UBAC2: variants seen among roughly 807,000 people sequenced by gnomAD.
UBAC2 encodes the protein UBA domain containing 2.
In UBAC2, 26 loss-of-function variants were observed where a neutral mutation model predicts 44.0. The ratio of observed to expected loss-of-function variants is 0.59; its 90% CI spans 0.43 to 0.82. UBAC2 has a LOEUF of 0.82. Among genes scored for constraint, UBAC2 ranks in the 40% least tolerant of loss-of-function variants. The pLI is 0.00. For synonymous variants in UBAC2, 155 were observed against 154.3 expected (o/e 1.00, Z -0.04); for missense variants, 329 against 419.4 (o/e 0.78, Z 1.88).
At chr13:99,219,033 A>T (rs139044979) in intron 1 of UBAC2, among the ~76,000 whole-genome samples, 7 of 152,304 alleles carry the variant, frequency 4.6e-5, no homozygotes, top group Non-Finnish European at 1.0e-4. Context: ...ACTTTATGAG[A>T]CACCAAGTCA....
rs749722415 is a variant in UBAC2, at chr13:99,200,894, G to A, written c.-15G>A. ...CTCCCCCGGCGCCCTCTGGGGCTCC[G>A]AGCCCGGCGGGACCATGTTCACCAG... On this transcript the variant is annotated 5_prime_UTR_variant, in exon 1 of 9. Coordinates refer to ENST00000403766, the MANE Select transcript of UBAC2 (RefSeq NM_001144072.2). The A allele has an allele frequency of 2.3e-6, 3 of 1,303,694 alleles. No individual in the cohort carries two copies. 80.8% of individuals were successfully genotyped at this position (1,303,694 alleles called of 1,614,324 possible).
intron 4 of UBAC2, among the ~76,000 whole-genome samples, chr13:99,291,875 A>G (rs914235584): frequency 6.6e-6 from 1 of 152,184 alleles, no homozygotes. Flanking sequence ...AATTAAATAG[A>G]TATTTGAGGA....
At chr13:99,353,011 C>G (rs2045119507) in intron 7 of UBAC2, among the ~76,000 whole-genome samples, 1 of 152,236 alleles carries the variant, frequency 6.6e-6, no homozygotes, top group African/African-American at 2.4e-5. Context: ...TGGCACCCTC[C>G]TCAGCACTTT....
At chr13:99,230,622 T>C (rs2043161353) in intron 1 of UBAC2, among the ~76,000 whole-genome samples, 1 of 152,240 alleles carries the variant, frequency 6.6e-6, no homozygotes, top group Non-Finnish European at 1.5e-5. Flanking sequence ...CTTCGCCTTT[T>C]GTAGCTTTCT....
intron 1 of UBAC2, among the ~76,000 whole-genome samples, chr13:99,234,171 C>CTTT (rs773370310): frequency 1.9e-4 from 12 of 61,712 alleles, no homozygotes; most frequent in Admixed American, 2.8e-4. Context: ...CTAGCCGTTT[C>CTTT]TTTTTTTTTT....
At chr13:99,216,140 C>T (rs9554571) in intron 1 of UBAC2, among the ~76,000 whole-genome samples, 69,642 of 151,564 alleles carry the variant, frequency 0.46, 18,277 homozygotes, top group Non-Finnish European at 0.61. Context: ...CTCACTCTGA[C>T]GCCTCAGCTG....
At chr13:99,363,255 C>G (rs1236991273) in intron 7 of UBAC2, among the ~76,000 whole-genome samples, 5 of 152,134 alleles carry the variant, frequency 3.3e-5, no homozygotes, top group African/African-American at 1.2e-4. Flanking sequence ...AATAGTAAGT[C>G]CTAATAACTG....
chr13:99,335,714 T>C (rs2044778919), intron 6 of UBAC2, among the ~76,000 whole-genome samples: 1 of 152,254 alleles, frequency 6.6e-6, no homozygotes, highest in Non-Finnish European at 1.5e-5. Context: ...TCTGCAGCTG[T>C]TCCCCTCTTG....
intron 7 of UBAC2, among the ~76,000 whole-genome samples, chr13:99,345,583 C>A (rs546425302): frequency 6.6e-6 from 1 of 152,208 alleles, no homozygotes; most frequent in Middle Eastern, 3.4e-3. Flanking sequence ...CTGTCCTCAC[C>A]ACTTTATTGA....
chr13:99,213,507 C>T (rs1199248640), intron 1 of UBAC2, among the ~76,000 whole-genome samples: 2 of 151,604 alleles, frequency 1.3e-5, no homozygotes, highest in Non-Finnish European at 2.9e-5. Flanking sequence ...ATTACAGGCA[C>T]CTGCCATCAT....
chr13:99,220,729 G>A (rs2043044050), intron 1 of UBAC2, among the ~76,000 whole-genome samples: 2 of 152,080 alleles, frequency 1.3e-5, no homozygotes, highest in Non-Finnish European at 2.9e-5. Context: ...GGTTCTGTGC[G>A]TATGAACCAC....
chr13:99,251,094 G>A (rs768277576), intron 4 of UBAC2, among the ~76,000 whole-genome samples: 1 of 152,102 alleles, frequency 6.6e-6, no homozygotes, highest in Non-Finnish European at 1.5e-5. Context: ...TTCTTGTAGA[G>A]ATCTTTTACC....
chr13:99,236,177 A>G, intron 1 of UBAC2, among the ~76,000 whole-genome samples: 1 of 152,220 alleles, frequency 6.6e-6, no homozygotes, highest in Non-Finnish European at 1.5e-5. Context: ...TCAAAAGCAC[A>G]GACAGCCAAA....
chr13:99,297,925 A>G (rs2044200599), intron 4 of UBAC2, among the ~76,000 whole-genome samples: 1 of 151,754 alleles, frequency 6.6e-6, no homozygotes, highest in Non-Finnish European at 1.5e-5. Flanking sequence ...CAACCAATAA[A>G]AAGGTAGTAT....
intron 1 of UBAC2, chr13:99,201,530 T>C (rs2042799694): frequency 6.2e-7 from 1 of 1,614,160 alleles, no homozygotes. Flanking sequence ...TGCTGCTGGA[T>C]GTTGCTGTTT....
intron 2 of UBAC2, among the ~76,000 whole-genome samples, chr13:99,239,090 A>G (rs137943843): frequency 6.6e-6 from 1 of 152,344 alleles, no homozygotes; most frequent in African/African-American, 2.4e-5. Flanking sequence ...TTGTCTATGA[A>G]TTGGAGTGTT....
At chr13:99,243,013 C>G (rs1460365017) in intron 2 of UBAC2, among the ~76,000 whole-genome samples, 2 of 151,866 alleles carry the variant, frequency 1.3e-5, no homozygotes, top group South Asian at 4.2e-4. Context: ...CAGAGACGCT[C>G]CTCACTTTCC....
chr13:99,312,278 G>A (rs2044422032), intron 4 of UBAC2, among the ~76,000 whole-genome samples: 1 of 152,218 alleles, frequency 6.6e-6, no homozygotes, highest in South Asian at 2.1e-4. Context: ...TTGTAGAAGT[G>A]AAACATATGT....
At chr13:99,371,172 A>G (rs1364041469) in intron 8 of UBAC2, among the ~76,000 whole-genome samples, 1 of 151,620 alleles carries the variant, frequency 6.6e-6, no homozygotes, top group Non-Finnish European at 1.5e-5. Flanking sequence ...TTTTTGTTTA[A>G]TGAGTCATTT....
Sources: gnomAD v4.1 joint callset for allele counts (sites outside exome capture counted in the v4.1 genomes callset) on GRCh38, gnomAD v4.1.1 for gene constraint, MANE v1.5 for transcripts, NCBI Gene and HGNC (gene_info 2026-07-23, HGNC 2026-07-21) for gene names.